The following TMEM74 variants were observed in gnomAD, a reference collection of about 807,000 sequenced individuals.
TMEM74 encodes transmembrane protein 74.
Under a neutral mutation model 18.1 loss-of-function variants are expected in TMEM74, and 13 were observed. That is an observed-to-expected ratio of 0.72 (90% CI 0.47 to 1.14). TMEM74 has a LOEUF of 1.14. Among genes scored for constraint, TMEM74 ranks in the 50% most tolerant of loss-of-function variants. The pLI is 0.00. For missense variants in TMEM74, 372 were observed against 375.9 expected (o/e 0.99, Z 0.09); for synonymous variants, 159 against 146.6 (o/e 1.08, Z -0.61).
intron 1 of TMEM74, among the ~76,000 whole-genome samples, chr8:108,761,088 T>C (rs1814038351): frequency 6.6e-6 from 1 of 152,080 alleles, no homozygotes; most frequent in Non-Finnish European, 1.5e-5. Context: ...TTATTTTGGT[T>C]TCTATTCGTT....
At chr8:108,727,917 G>T (rs144822120) in intron 1 of TMEM74, among the ~76,000 whole-genome samples, 1 of 152,278 alleles carries the variant, frequency 6.6e-6, no homozygotes, top group East Asian at 1.9e-4. Context: ...AATAATGAAT[G>T]TATATCAAGG....
In TMEM74 at chr8:108,657,862, ATATAT is replaced by A. The variant is rs1563742267; in HGVS notation, n.120-2430_120-2426del. Among the ~76,000 whole-genome samples the A allele has an allele frequency of 6.0e-3, 289 of 48,418 alleles. 17 individuals are homozygous for A. The highest frequency in any genetic ancestry group is 0.01 in the African/African-American group (111 of 10,630). 31.8% of individuals were successfully genotyped at this position (48,418 alleles called of 152,430 possible). A position where few individuals can be genotyped will look rare whatever the true frequency, so the allele number is the denominator to read the frequency against. On this transcript the variant is annotated intron_variant and non_coding_transcript_variant, in intron 1 of 3. Coordinates refer to the TMEM74 transcript ENST00000518838. ...CGTCTCAAAAAAAAAAAAAAAAAAT[ATATAT>A]ATATATATATATATATATATATATA...
chr8:108,693,106 G>A (rs1347965298), intron 1 of TMEM74, among the ~76,000 whole-genome samples: 1 of 152,182 alleles, frequency 6.6e-6, no homozygotes. Context: ...AGGAGGAGGA[G>A]CAGCAATTGT....
intron 1 of TMEM74, among the ~76,000 whole-genome samples, chr8:108,761,562 G>A (rs1028006100): frequency 6.6e-6 from 1 of 152,042 alleles, no homozygotes; most frequent in Admixed American, 6.6e-5. Context: ...CCTCTTATTC[G>A]TGTTCAGGAA....
chr8:108,784,467 G>T lies in TMEM74; in HGVS notation c.632C>A (p.Ala211Asp). The T allele has an allele frequency of 2.5e-6, 4 of 1,614,136 alleles. No individual in the cohort carries two copies. The highest frequency in any genetic ancestry group is 3.4e-6 in the Non-Finnish European group (4 of 1,180,044). Reference sequence around the variant, plus strand: ...CTTCTCCAGGCGCTCCATCTCCCGGGCTGCCACAGTGTTGGGGTCCACAGT... The same window carrying T: ...CTTCTCCAGGCGCTCCATCTCCCGGTCTGCCACAGTGTTGGGGTCCACAGT... ...EVTVDPNTVA[A>D]REMERLEKES... The change falls in exon 2 of 2, where the codon GCC (alanine) becomes GAC (aspartate). Residue 211 changes from alanine (A) to aspartate (D), a missense_variant. Transcript: ENST00000297459.
rs1202980031 is a variant in TMEM74, at chr8:108,783,079, C to T, written c.*1102G>A. On this transcript the variant is annotated 3_prime_UTR_variant, in exon 2 of 2. Coordinates refer to ENST00000297459, the MANE Select transcript of TMEM74 (RefSeq NM_153015.3). ...ACGATGACTACAGTCCCCATTAAAT[C>T]AGTGTATTGAATCTCTCTTTCCATT... 6.6e-6 allele frequency among the ~76,000 whole-genome samples: 1 copy of T among 152,134 alleles called. No homozygotes were observed. Among genetic ancestry groups the T allele is most frequent in the African/African-American group, 2.4e-5 (1 of 41,408 alleles).
At chr8:108,736,697 A>C (rs1023594295) in intron 1 of TMEM74, among the ~76,000 whole-genome samples, 2 of 152,164 alleles carry the variant, frequency 1.3e-5, no homozygotes, top group Non-Finnish European at 2.9e-5. Flanking sequence ...CATTGTTTTA[A>C]GTACTTGACA....
chr8:108,622,228 C>T (rs1046600202), intron 2 of TMEM74, among the ~76,000 whole-genome samples: 3 of 152,090 alleles, frequency 2.0e-5, no homozygotes, highest in Admixed American at 6.6e-5. Context: ...GATTCCATCA[C>T]ATTGACAATG....
intron 2 of TMEM74, among the ~76,000 whole-genome samples, chr8:108,628,399 A>G (rs545191395): frequency 6.6e-6 from 1 of 152,098 alleles, no homozygotes; most frequent in South Asian, 2.1e-4. Context: ...ATTGAATTCA[A>G]TTTTGATACT....
At chr8:108,716,140 TA>T (rs1383782668) in intron 1 of TMEM74, among the ~76,000 whole-genome samples, 5 of 152,118 alleles carry the variant, frequency 3.3e-5, no homozygotes, top group African/African-American at 1.2e-4. Flanking sequence ...GTAGAATGCT[TA>T]AATATAGTAA....
Position 108,784,648 on chromosome 8 carries a change from C to A in TMEM74, c.451G>T (p.Ala151Ser). 6.2e-7 allele frequency: 1 copy of A among 1,614,172 alleles called. No individual in the cohort carries two copies. Among genetic ancestry groups the A allele is most frequent in the Non-Finnish European group, 8.5e-7 (1 of 1,180,024 alleles). ...WENPNEWSQE[A>S]AISLISEEED... ...TCTTCAGATATCAAAGATATGGCAG[C>A]CTCTTGGGACCACTCATTTGGATTT... is the stretch of plus-strand genomic sequence containing the variant. The change falls in exon 2 of 2, where the codon GCT (alanine) becomes TCT (serine). Residue 151 changes from alanine to serine, a missense_variant. Coordinates refer to ENST00000297459, the MANE Select transcript of TMEM74 (RefSeq NM_153015.3).
chr8:108,656,236 G>C (rs752941562), intron 1 of TMEM74, among the ~76,000 whole-genome samples: 8 of 152,170 alleles, frequency 5.3e-5, no homozygotes, highest in Non-Finnish European at 1.0e-4. Flanking sequence ...TGCTCTAGTG[G>C]ACCATATGGA....
At chr8:108,707,464 A>T (rs1813428029) in intron 1 of TMEM74, among the ~76,000 whole-genome samples, 1 of 152,220 alleles carries the variant, frequency 6.6e-6, no homozygotes, top group African/African-American at 2.4e-5. Context: ...TTTAAAGTTT[A>T]CATGATCTCT....
At chr8:108,617,717 T>C (rs1228064919) in intron 2 of TMEM74, among the ~76,000 whole-genome samples, 1 of 151,938 alleles carries the variant, frequency 6.6e-6, no homozygotes, top group Non-Finnish European at 1.5e-5. Context: ...TAGGGAGATG[T>C]GGGGGAGAGA....
chr8:108,726,401 C>A (rs559647023), intron 1 of TMEM74, among the ~76,000 whole-genome samples: 12 of 152,200 alleles, frequency 7.9e-5, no homozygotes, highest in African/African-American at 2.6e-4. Flanking sequence ...GCCCTACAAG[C>A]AATTTAAGAT....
chr8:108,761,425 T>TTAA (rs1814042583), intron 1 of TMEM74, among the ~76,000 whole-genome samples: 1 of 152,140 alleles, frequency 6.6e-6, no homozygotes, highest in Non-Finnish European at 1.5e-5. Flanking sequence ...TAATGATCTA[T>TTAA]GAAAATTGTT....
chr8:108,654,094 G>A (rs190608021), intron 2 of TMEM74, among the ~76,000 whole-genome samples: 164 of 152,190 alleles, frequency 1.1e-3, no homozygotes, highest in African/African-American at 3.5e-3. Context: ...TTATAAGACA[G>A]CATACTTTTG....
At position 108,625,107 on chromosome 8, in the gene TMEM74, T is replaced by C. The variant is rs1563734920; in HGVS notation, n.265-16281A>G. Among the ~76,000 whole-genome samples, 3 of 151,966 alleles carry C rather than the reference T, an allele frequency of 2.0e-5. No individual in the cohort carries two copies. In the South Asian group the frequency reaches 6.2e-4, roughly 32 times the overall value. ...GGTGAGAGGTGAGGAAAGATAAGAATTTGGATGTGTGTTTCTCACAGGGCA... is the reference window on the plus strand; with the variant it reads ...GGTGAGAGGTGAGGAAAGATAAGAACTTGGATGTGTGTTTCTCACAGGGCA... On this transcript the variant is annotated intron_variant and non_coding_transcript_variant, in intron 2 of 3. Coordinates refer to the TMEM74 transcript ENST00000518838.
chr8:108,763,713 T>C (rs1323480797), intron 1 of TMEM74, among the ~76,000 whole-genome samples: 1 of 152,200 alleles, frequency 6.6e-6, no homozygotes, highest in Non-Finnish European at 1.5e-5. Flanking sequence ...TTTACTGGTA[T>C]TCTTATTTTA....
Sources: gnomAD v4.1 joint callset for allele counts (sites outside exome capture counted in the v4.1 genomes callset) on GRCh38, gnomAD v4.1.1 for gene constraint, MANE v1.5 for transcripts, NCBI Gene and HGNC (gene_info 2026-07-23, HGNC 2026-07-21) for gene names.